TRPS1: variants seen among roughly 807,000 people sequenced by gnomAD.
TRPS1 encodes the protein transcriptional repressor GATA binding 1.
In TRPS1, 6 loss-of-function variants were observed where a neutral mutation model predicts 101.2. The ratio of observed to expected loss-of-function variants is 0.06; its 90% CI spans 0.03 to 0.12. TRPS1 has a LOEUF of 0.12. TRPS1 is among the 10% of genes least tolerant of loss of function. TRPS1 has a pLI of 1.00. For synonymous variants in TRPS1, 578 were observed against 589.8 expected (o/e 0.98, Z 0.29); for missense variants, 1,363 against 1,567.0 (o/e 0.87, Z 2.20).
chr8:115,479,156 T>C (rs1292105803), intron 5 of TRPS1, among the ~76,000 whole-genome samples: 2 of 152,050 alleles, frequency 1.3e-5, no homozygotes, highest in Non-Finnish European at 2.9e-5. Context: ...GTACAACACT[T>C]TACACAGTCA....
At chr8:115,534,564 A>G (rs1022583425) in intron 5 of TRPS1, among the ~76,000 whole-genome samples, 1 of 152,386 alleles carries the variant, frequency 6.6e-6, no homozygotes, top group South Asian at 2.1e-4. Context: ...ACATTCAGTC[A>G]TAACACATGG....
At chr8:115,513,983 C>T (rs79735818) in intron 5 of TRPS1, among the ~76,000 whole-genome samples, 5 of 151,784 alleles carry the variant, frequency 3.3e-5, no homozygotes, top group South Asian at 2.1e-4. Context: ...AAAGACTATA[C>T]GTACCCTTAG....
At chr8:115,626,287 GA>G (rs143761397) in intron 1 of TRPS1, among the ~76,000 whole-genome samples, 148 of 134,838 alleles carry the variant, frequency 1.1e-3, no homozygotes, top group Middle Eastern at 3.7e-3. Context: ...TTGGTTTAGG[GA>G]AAAAAAAAAA....
chr8:115,593,745 A>C, intron 4 of TRPS1, among the ~76,000 whole-genome samples: 1 of 152,106 alleles, frequency 6.6e-6, no homozygotes, highest in East Asian at 1.9e-4. Flanking sequence ...ACATTCAGGA[A>C]ATTTTTCCTC....
At chr8:115,528,068 C>A (rs1376007870) in intron 5 of TRPS1, among the ~76,000 whole-genome samples, 2 of 152,076 alleles carry the variant, frequency 1.3e-5, no homozygotes, top group Non-Finnish European at 2.9e-5. Context: ...TGCTGACATT[C>A]TTTCTGATTT....
rs770776059 is a variant in TRPS1, at chr8:115,603,755, A to G, written c.2096+118T>C. The G allele has an allele frequency of 5.8e-5, 73 of 1,254,892 alleles. 1 individual carries two copies. Among genetic ancestry groups the G allele is most frequent in the African/African-American group, 1.1e-4 (7 of 66,618 alleles). The allele number at this position is 1,254,892 out of a possible 1,614,324, so 77.7% of individuals were successfully genotyped here. ...ATGAACTTTTATGTGGTCTTCTCCT[A>G]TAACTTCCCCAAGTCATTGGAATCA... is the stretch of plus-strand genomic sequence containing the variant. On this transcript the variant is annotated intron_variant, in intron 4 of 6. Coordinates refer to ENST00000395715, the MANE Select transcript of TRPS1 (RefSeq NM_014112.5).
chr8:115,412,194 ACTTGGAATGAATAAGTGCTACC>A lies in TRPS1; in HGVS notation c.*1807_*1828del. On this transcript the variant is annotated 3_prime_UTR_variant, in exon 7 of 7. Coordinates refer to ENST00000395715, the MANE Select transcript of TRPS1 (RefSeq NM_014112.5). The stretch of plus-strand genomic sequence containing the variant: ...GCTTAAAAATTAAAAAAAAAAAAGT[ACTTGGAATGAATAAGTGCTACC>A]CTTTTTTTCCTAAGTAGGCATAAAA... The A allele has an allele frequency of 6.6e-6, 1 of 152,312 alleles. No individual in the cohort carries two copies. Among genetic ancestry groups the A allele is most frequent in the South Asian group, 2.1e-4 (1 of 4,832 alleles). The allele number at this position is 152,312 out of a possible 1,614,324, so 9.4% of individuals were successfully genotyped here. A position where few individuals can be genotyped will look rare whatever the true frequency, so the allele number is the denominator to read the frequency against.
At chr8:115,445,437 TTACCA>T (rs1299638525) in intron 5 of TRPS1, among the ~76,000 whole-genome samples, 1 of 152,222 alleles carries the variant, frequency 6.6e-6, no homozygotes, top group Non-Finnish European at 1.5e-5. Context: ...TTCACTATTC[TTACCA>T]TACATCTTGA....
At chr8:115,577,585 A>G (rs1437550786) in intron 5 of TRPS1, among the ~76,000 whole-genome samples, 1 of 152,142 alleles carries the variant, frequency 6.6e-6, no homozygotes, top group Non-Finnish European at 1.5e-5. Context: ...GGATACCCCA[A>G]AAACCCTGAC....
chr8:115,634,449 TC>T (rs1167345177), intron 1 of TRPS1, among the ~76,000 whole-genome samples: 1 of 152,202 alleles, frequency 6.6e-6, no homozygotes, highest in Non-Finnish European at 1.5e-5. Context: ...AAAGTAGCAC[TC>T]TATAGGATAA....
At chr8:115,584,050 A>G (rs1817512258) in intron 5 of TRPS1, among the ~76,000 whole-genome samples, 1 of 152,070 alleles carries the variant, frequency 6.6e-6, no homozygotes. Context: ...AAGTTATCAG[A>G]AAGACTAATA....
At chr8:115,569,392 C>T (rs1426984533) in intron 5 of TRPS1, among the ~76,000 whole-genome samples, 2 of 152,104 alleles carry the variant, frequency 1.3e-5, no homozygotes, top group Non-Finnish European at 2.9e-5. Flanking sequence ...AGAATTCCCA[C>T]TTGAGGAAAA....
At chr8:115,459,591 T>A (rs984726019) in intron 5 of TRPS1, among the ~76,000 whole-genome samples, 1 of 152,184 alleles carries the variant, frequency 6.6e-6, no homozygotes, top group Non-Finnish European at 1.5e-5. Context: ...AATAAAACGA[T>A]GATCCCTAAA....
At chr8:115,445,263 A>G (rs772569416) in intron 5 of TRPS1, among the ~76,000 whole-genome samples, 5 of 152,096 alleles carry the variant, frequency 3.3e-5, no homozygotes, top group African/African-American at 1.2e-4. Context: ...ATATGCTACA[A>G]TTTTGTTTCC....
intron 1 of TRPS1, among the ~76,000 whole-genome samples, chr8:115,647,459 T>C (rs1811438028): frequency 6.6e-6 from 1 of 152,150 alleles, no homozygotes; most frequent in Non-Finnish European, 1.5e-5. Context: ...ATGCTAAAAA[T>C]ACAGTAGCCT....
intron 1 of TRPS1, among the ~76,000 whole-genome samples, chr8:115,659,905 T>C (rs1811755245): frequency 6.6e-6 from 1 of 152,008 alleles, no homozygotes; most frequent in Non-Finnish European, 1.5e-5. Context: ...TCAAAAAATA[T>C]GCAATATGCT....
At chr8:115,424,610 T>C (rs1294107999) in intron 5 of TRPS1, among the ~76,000 whole-genome samples, 1 of 152,244 alleles carries the variant, frequency 6.6e-6, no homozygotes, top group Non-Finnish European at 1.5e-5. Flanking sequence ...GAAACTTTCC[T>C]GAAGATACCA....
At chr8:115,509,188 T>A (rs1815518969) in intron 5 of TRPS1, among the ~76,000 whole-genome samples, 2 of 152,020 alleles carry the variant, frequency 1.3e-5, no homozygotes, top group Non-Finnish European at 2.9e-5. Flanking sequence ...ACAAGGTGTT[T>A]TCCCTGAAGC....
chr8:115,526,234 G>A (rs1029122794), intron 5 of TRPS1, among the ~76,000 whole-genome samples: 19 of 151,912 alleles, frequency 1.3e-4, no homozygotes, highest in African/African-American at 3.4e-4. Flanking sequence ...TCTTGAACCC[G>A]GGAGCTGGAG....
Sources: allele counts gnomAD v4.1 joint callset (sites outside exome capture counted in the v4.1 genomes callset), GRCh38; gene constraint gnomAD v4.1.1; transcripts MANE v1.5; gene names NCBI Gene and HGNC (gene_info 2026-07-23, HGNC 2026-07-21).